The following THNSL1 variants were observed in gnomAD, a reference collection of about 807,000 sequenced individuals.
THNSL1 encodes the protein threonine synthase like 1.
A neutral mutation model predicts 50.4 loss-of-function variants in THNSL1; 48 were observed. That is an observed-to-expected ratio of 0.95 (90% CI 0.76 to 1.21). THNSL1 has a LOEUF of 1.21. Among genes scored for constraint, THNSL1 ranks in the 50% most tolerant of loss-of-function variants. The pLI is 0.00. For missense variants in THNSL1, 896 were observed against 871.7 expected, an observed-to-expected ratio of 1.03 and a Z score of -0.35; for synonymous variants, 309 against 306.1, an observed-to-expected ratio of 1.01 and a Z score of -0.10.
the THNSL1 span, among the ~76,000 whole-genome samples, chr10:24,972,144 A>G: frequency 3.3e-5 from 5 of 151,716 alleles, no homozygotes; most frequent in Admixed American, 1.3e-4. Flanking sequence ...GTGAGCCAAG[A>G]TGGCGCCATT....
At chr10:24,960,187 C>T in the THNSL1 span, among the ~76,000 whole-genome samples, 1 of 152,106 alleles carries the variant, frequency 6.6e-6, no homozygotes, top group African/African-American at 2.4e-5. Flanking sequence ...TGGTAGCTTG[C>T]AAAGGTAATT....
chr10:25,015,866 G>T, upstream of THNSL1: 1 of 1,605,542 alleles, frequency 6.2e-7, no homozygotes, highest in Non-Finnish European at 8.5e-7. Flanking sequence ...ATACCTAGGA[G>T]GCTGGGGAGG....
the THNSL1 span, among the ~76,000 whole-genome samples, chr10:24,977,244 A>G: frequency 3.4e-3 from 514 of 152,368 alleles, 1 homozygote; most frequent in African/African-American, 0.011. Context: ...CTATAGATAT[A>G]TGTATAATTA....
Position 25,024,891 on chromosome 10 carries a change from A to C in THNSL1, c.1668A>C (p.Leu556=). 1 of 1,613,946 alleles carries C rather than the reference A, an allele frequency of 6.2e-7. No individual in the cohort carries two copies. The highest frequency in any genetic ancestry group is 8.5e-7 in the Non-Finnish European group (1 of 1,180,016). The stretch of plus-strand genomic sequence containing the variant: ...ATTATGATCTAAGGGAAAGAAAACT[A>C]GCACAAACCTTTTCACCGTCAATAG... ...TGHYDLRERK[L]AQTFSPSIDI... is the part of the protein sequence containing the mutation. The change falls in exon 3 of 3, where the codon CTA becomes CTC. Residue 556 remains leucine, a synonymous_variant. Coordinates refer to ENST00000376356, the MANE Select transcript of THNSL1 (RefSeq NM_024838.5).
the THNSL1 span, chr10:24,996,016 C>A: frequency 1.6e-6 from 1 of 611,492 alleles, no homozygotes; most frequent in Non-Finnish European, 2.6e-6. Context: ...TTATGCTTAC[C>A]CCCAAACTCA....
At chr10:24,995,707 C>A in the THNSL1 span, 1 of 1,614,026 alleles carries the variant, frequency 6.2e-7, no homozygotes, top group Non-Finnish European at 8.5e-7. Flanking sequence ...GTCTCCAGTT[C>A]TTTTATCAAC....
At chr10:24,959,679 C>T in the THNSL1 span, among the ~76,000 whole-genome samples, 1 of 145,762 alleles carries the variant, frequency 6.9e-6, no homozygotes, top group South Asian at 2.2e-4. Context: ...GTTTCCCAAA[C>T]TTTTTTTTTT....
the THNSL1 span, among the ~76,000 whole-genome samples, chr10:24,965,831 A>T: frequency 6.6e-6 from 1 of 152,254 alleles, no homozygotes; most frequent in Non-Finnish European, 1.5e-5. Context: ...TAAAGATTTT[A>T]TATGAGAATA....
At chr10:24,973,509 GT>G in the THNSL1 span, among the ~76,000 whole-genome samples, 1 of 152,070 alleles carries the variant, frequency 6.6e-6, no homozygotes, top group Non-Finnish European at 1.5e-5. Flanking sequence ...TTCTAACCAT[GT>G]TGACCACAGG....
chr10:25,002,685 T>C, the THNSL1 span, among the ~76,000 whole-genome samples: 2 of 152,228 alleles, frequency 1.3e-5, no homozygotes, highest in Non-Finnish European at 2.9e-5. Flanking sequence ...CAACTTGTAT[T>C]ATCTTCTTCC....
the THNSL1 span, chr10:24,985,008 C>A: frequency 1.1e-6 from 1 of 906,462 alleles, no homozygotes; most frequent in Non-Finnish European, 1.7e-6. Flanking sequence ...GTAAAAGAAA[C>A]TGACAAAAAT....
At chr10:25,016,004 C>T (rs1873737), upstream of THNSL1, 19,840 of 1,551,018 alleles carry the variant, frequency 0.013, 2,116 homozygotes, top group African/African-American at 0.24. Context: ...TATCTCCGTC[C>T]CTTTCTTCAC....
the THNSL1 span, chr10:24,952,608 G>A: frequency 1.9e-6 from 3 of 1,548,228 alleles, no homozygotes; most frequent in Non-Finnish European, 1.7e-6. This position sits in a 1 kb window ranked among gnomAD's most constrained non-coding sequence, Gnocchi z 5.1. Context: ...AGGGAAGACG[G>A]CGCGGGAAGG....
the THNSL1 span, chr10:24,995,734 T>G: frequency 6.2e-7 from 1 of 1,614,052 alleles, no homozygotes; most frequent in Non-Finnish European, 8.5e-7. Flanking sequence ...TGGTTTAGGC[T>G]TTTTAGCCAC....
At position 25,025,283 on chromosome 10, in the gene THNSL1, C is replaced by T. The variant is rs767525989; in HGVS notation, c.2060C>T (p.Thr687Ile). Residue 687 changes from threonine to isoleucine, a missense_variant, in exon 3 of 3, where the codon ACT becomes ATT. Thr to Ile is a moderately conservative substitution (Grantham distance 89). Coordinates refer to ENST00000376356, the MANE Select transcript of THNSL1 (RefSeq NM_024838.5). ...TTAAAGATTAAAGAAATCAATGAGA[C>T]TTCATCAAGTCAGCTCTATTTGCTG... ...QALKIKEINETSSSQLYLLGS... is the reference protein window; with the variant it reads ...QALKIKEINEISSSQLYLLGS... 21 of 1,614,074 alleles carry T rather than the reference C, an allele frequency of 1.3e-5. No individual in the cohort carries two copies. The South Asian group carries it at 2.3e-4, about 18-fold the overall frequency.
chr10:25,024,201 A>T lies in THNSL1; in HGVS notation c.978A>T (p.Lys326Asn). 6.2e-7 allele frequency: 1 copy of T among 1,614,206 alleles called. No homozygotes were observed. The highest frequency in any genetic ancestry group is 8.5e-7 in the Non-Finnish European group (1 of 1,180,028). Residue 326 changes from lysine (K) to asparagine (N), a missense_variant, in exon 3 of 3, where the codon AAA (lysine) becomes AAT (asparagine). Physicochemically the swap from Lys to Asn is moderately conservative, Grantham distance 94. Transcript: ENST00000376356. ...ATGGGGAAAACTTTGCCTGCTCAAA[A>T]ATTGCTCCTGTCAGGCACCTTTCAG... ...TAYGENFACS[K>N]IAPVRHLSGN...
At chr10:25,012,271 A>G (rs190734037), upstream of THNSL1, among the ~76,000 whole-genome samples, 1 of 152,360 alleles carries the variant, frequency 6.6e-6, no homozygotes, top group African/African-American at 2.4e-5. Context: ...GGCAGTGTGG[A>G]AGGGAAATAT....
the THNSL1 span, among the ~76,000 whole-genome samples, chr10:24,992,876 G>A: frequency 6.6e-6 from 1 of 152,174 alleles, no homozygotes; most frequent in Admixed American, 6.5e-5. Flanking sequence ...AGTGAGACAG[G>A]CCAATCCACT....
At chr10:24,988,987 C>T in the THNSL1 span, among the ~76,000 whole-genome samples, 6 of 151,876 alleles carry the variant, frequency 4.0e-5, no homozygotes, top group Admixed American at 3.3e-4. Context: ...GATTTGCTAT[C>T]ATCACATCAA....
Sources: allele counts gnomAD v4.1 joint callset (sites outside exome capture counted in the v4.1 genomes callset), GRCh38; gene constraint gnomAD v4.1.1; non-coding constraint Gnocchi (gnomAD v3.1); transcripts MANE v1.5; gene names NCBI Gene and HGNC (gene_info 2026-07-23, HGNC 2026-07-21).